Variants in KCTD1 observed in about 807,000 individuals in gnomAD.
KCTD1 encodes BTB/POZ domain-containing protein KCTD1.
A neutral mutation model predicts 66.0 loss-of-function variants in KCTD1; 24 were observed. The ratio of observed to expected loss-of-function variants is 0.36; its 90% confidence interval spans 0.26 to 0.51. The LOEUF is 0.51. Among genes scored for constraint, KCTD1 ranks in the 20% least tolerant of loss-of-function variants. The pLI is 0.95. For missense variants in KCTD1, 943 were observed against 1,205.2 expected, an observed-to-expected ratio of 0.78 and a Z score of 3.22; for synonymous variants, 511 against 517.2, an observed-to-expected ratio of 0.99 and a Z score of 0.16.
upstream of KCTD1, among the ~76,000 whole-genome samples, chr18:26,634,081 A>G (rs1268491543): frequency 2.0e-5 from 3 of 152,206 alleles, no homozygotes; most frequent in South Asian, 2.1e-4. Flanking sequence ...AGACTGTATG[A>G]TTCCATTTAT....
intron 1 of KCTD1, among the ~76,000 whole-genome samples, chr18:26,593,788 T>G (rs978346382): frequency 1.9e-3 from 89 of 45,660 alleles, no homozygotes; most frequent in Middle Eastern, 0.016. Context: ...AGGAGGAAGA[T>G]AAGGAGGAGG....
chr18:26,524,131 C>T (rs1036346073), intron 1 of KCTD1, among the ~76,000 whole-genome samples: 2 of 152,180 alleles, frequency 1.3e-5, no homozygotes, highest in Non-Finnish European at 2.9e-5. Context: ...AAGATGCATC[C>T]TACCCATAAC....
chr18:26,639,152 G>A (rs1009764033), intron 1 of KCTD1, among the ~76,000 whole-genome samples: 3 of 152,222 alleles, frequency 2.0e-5, no homozygotes, highest in Non-Finnish European at 4.4e-5. Context: ...GAGTCCAGGA[G>A]TTCCTAGTGT....
At chr18:26,592,536 C>A (rs887412956) in intron 1 of KCTD1, among the ~76,000 whole-genome samples, 1 of 152,202 alleles carries the variant, frequency 6.6e-6, no homozygotes, top group African/African-American at 2.4e-5. Flanking sequence ...ATACTCACCT[C>A]TATTCAGCCC....
intron 1 of KCTD1, among the ~76,000 whole-genome samples, chr18:26,635,150 A>G (rs1194509050): frequency 6.6e-6 from 1 of 151,578 alleles, no homozygotes; most frequent in Non-Finnish European, 1.5e-5. Flanking sequence ...GCATTAAAAT[A>G]TTATTTATCT....
At chr18:26,474,129 C>T (rs1567959545) in intron 3 of KCTD1, among the ~76,000 whole-genome samples, 1 of 152,152 alleles carries the variant, frequency 6.6e-6, no homozygotes, top group Non-Finnish European at 1.5e-5. Context: ...TATGGTTCTG[C>T]AACTTAATAT....
At chr18:26,582,438 T>C (rs116814826) in intron 1 of KCTD1, among the ~76,000 whole-genome samples, 10 of 152,352 alleles carry the variant, frequency 6.6e-5, no homozygotes, top group African/African-American at 2.2e-4. Context: ...GAACACATTG[T>C]ACTAGTGGAA....
At chr18:26,652,115 C>A (rs746561446) in intron 1 of KCTD1, among the ~76,000 whole-genome samples, 1 of 152,094 alleles carries the variant, frequency 6.6e-6, no homozygotes, top group Non-Finnish European at 1.5e-5. Flanking sequence ...ACAGCAGGGG[C>A]CAGACTTGGG....
intron 1 of KCTD1, among the ~76,000 whole-genome samples, chr18:26,576,506 T>G (rs1986229134): frequency 6.6e-6 from 1 of 152,202 alleles, no homozygotes; most frequent in Non-Finnish European, 1.5e-5. Flanking sequence ...CTTTGCAAGT[T>G]GCTTTTAAGC....
At chr18:26,624,946 G>A (rs566888183) in intron 1 of KCTD1, among the ~76,000 whole-genome samples, 35 of 152,300 alleles carry the variant, frequency 2.3e-4, no homozygotes, top group African/African-American at 8.2e-4. Flanking sequence ...AGCATGACCT[G>A]GATATGAGAC....
chr18:26,550,557 G>GACACACACACACACACAC (rs907937404), upstream of KCTD1, among the ~76,000 whole-genome samples: 21 of 83,674 alleles, frequency 2.5e-4, no homozygotes, highest in African/African-American at 1.1e-3. The surrounding 1 kb of genome is among the most constrained non-coding windows in gnomAD (Gnocchi z 5.4). Context: ...GGAAACACAA[G>GACACACACACACACACAC]ACACACAGAC....
chr18:26,479,768 G>C (rs774395498), intron 2 of KCTD1, among the ~76,000 whole-genome samples: 23 of 152,244 alleles, frequency 1.5e-4, no homozygotes, highest in Non-Finnish European at 2.4e-4. Flanking sequence ...GCCAAGGGTC[G>C]TAAAATGGCG....
chr18:26,464,990 G>A (rs866062956), intron 3 of KCTD1, among the ~76,000 whole-genome samples: 4 of 152,190 alleles, frequency 2.6e-5, no homozygotes, highest in Non-Finnish European at 4.4e-5. Context: ...TTATCTTGTC[G>A]GGGATGGAGG....
chr18:26,572,130 G>T (rs1033982223), intron 1 of KCTD1, among the ~76,000 whole-genome samples: 82 of 151,740 alleles, frequency 5.4e-4, no homozygotes, highest in Non-Finnish European at 8.7e-4. Flanking sequence ...CTCAATCTCG[G>T]TTCACTGCAA....
At chr18:26,595,908 G>A (rs1488137793) in intron 1 of KCTD1, among the ~76,000 whole-genome samples, 1 of 152,012 alleles carries the variant, frequency 6.6e-6, no homozygotes, top group Admixed American at 6.6e-5. Flanking sequence ...AGCCAGGTGT[G>A]GTAGTGTGCC....
intron 1 of KCTD1, among the ~76,000 whole-genome samples, chr18:26,535,470 A>T (rs965271083): frequency 1.3e-4 from 19 of 151,854 alleles, no homozygotes; most frequent in African/African-American, 4.4e-4. Context: ...TTTGTATTTT[A>T]AAAAAAGTCC....
chr18:26,514,317 C>T (rs771178682), intron 1 of KCTD1, among the ~76,000 whole-genome samples: 1 of 152,048 alleles, frequency 6.6e-6, no homozygotes, highest in Non-Finnish European at 1.5e-5. Flanking sequence ...ACTTGGGAGG[C>T]TGAAGTAGGA....
intron 4 of KCTD1, 89 bp from the exon 5 acceptor site, chr18:26,455,990 C>G: frequency 8.0e-7 from 1 of 1,243,722 alleles, no homozygotes; most frequent in Non-Finnish European, 1.1e-6. Flanking sequence ...TATGCGCACT[C>G]TGGTTCATCT....
Position 26,508,707 on chromosome 18 carries a change from ATT to A in KCTD1, c.1810-7459_1810-7458del, listed in dbSNP as rs869171143. On this transcript the variant is annotated intron_variant, in intron 1 of 4. Coordinates refer to ENST00000580059, the MANE Select transcript of KCTD1 (RefSeq NM_001142730.3). ...CAAATTTCAACCTGGATTTAAATAT[ATT>A]TCTCTCTCTCTCTCTCTCTCACACA... Among the ~76,000 whole-genome samples, 42 of 49,916 alleles carry A rather than the reference ATT, an allele frequency of 8.4e-4. No homozygotes were observed. In the South Asian group the frequency reaches 0.02, roughly 23 times the overall value. 32.7% of individuals were successfully genotyped at this position (49,916 alleles called of 152,430 possible). A position where few individuals can be genotyped will look rare whatever the true frequency, so the allele number is the denominator to read the frequency against.
Sources: allele counts gnomAD v4.1 joint callset (sites outside exome capture counted in the v4.1 genomes callset), GRCh38; gene constraint gnomAD v4.1.1; non-coding constraint Gnocchi (gnomAD v3.1); transcripts MANE v1.5; gene names NCBI Gene and HGNC (gene_info 2026-07-23, HGNC 2026-07-21).